The following SLC36A1 variants were observed in gnomAD, a reference collection of about 807,000 sequenced individuals.
SLC36A1 encodes proton-coupled amino acid transporter 1.
Under a neutral mutation model 47.5 loss-of-function variants are expected in SLC36A1, and 30 were observed. The observed-to-expected ratio is 0.63, with a 90% CI of 0.47 to 0.86. The LOEUF (loss-of-function observed/expected upper bound fraction) is 0.86, where lower values mean the gene tolerates loss of function less well. Ranked by LOEUF, SLC36A1 falls within the 40% of genes least tolerant of loss-of-function variation. The pLI is 0.00. For missense variants in SLC36A1, 517 were observed against 606.0 expected (o/e 0.85, Z 1.54); for synonymous variants, 255 against 249.7 (o/e 1.02, Z -0.20).
chr5:151,417,906 AG>A, the SLC36A1 span, among the ~76,000 whole-genome samples: 1 of 152,232 alleles, frequency 6.6e-6, no homozygotes, highest in African/African-American at 2.4e-5. Flanking sequence ...CTGGAGGCCT[AG>A]GAGGGTAAAA....
chr5:151,469,063 A>C lies in SLC36A1; in HGVS notation c.723+1138A>C, dbSNP rs1051357020. Among the ~76,000 whole-genome samples the C allele has an allele frequency of 5.3e-5, 8 of 150,668 alleles. No individual in the cohort carries two copies. In the East Asian group the frequency reaches 1.6e-3, roughly 30 times the overall value. On this transcript the variant is annotated intron_variant, in intron 7 of 10. Coordinates refer to ENST00000243389, the MANE Select transcript of SLC36A1 (RefSeq NM_078483.4). ...TTCTAAGGCTTGAGAAAAGGAAAAA[A>C]GTAAAAGCGGGTAAATAAAAGCATA... is the stretch of plus-strand genomic sequence containing the variant.
the SLC36A1 span, chr5:151,380,531 A>G: frequency 1.9e-6 from 1 of 521,148 alleles, no homozygotes; most frequent in Middle Eastern, 3.8e-4. Flanking sequence ...TTGGAAAGAC[A>G]GTGGGTGATC....
At chr5:151,418,105 A>G in the SLC36A1 span, among the ~76,000 whole-genome samples, 10 of 152,330 alleles carry the variant, frequency 6.6e-5, no homozygotes, top group South Asian at 2.1e-4. Flanking sequence ...TCAAGAACTG[A>G]GGTTTGGGAA....
chr5:151,542,857 T>C, the SLC36A1 span: 2 of 1,614,180 alleles, frequency 1.2e-6, no homozygotes, highest in Non-Finnish European at 1.7e-6. Context: ...GGTGGATTCG[T>C]GGTCCATGGG....
At chr5:151,545,642 C>G in the SLC36A1 span, 1 of 1,614,160 alleles carries the variant, frequency 6.2e-7, no homozygotes, top group Non-Finnish European at 8.5e-7. Context: ...CTCTCATAAT[C>G]CATCTCTGAT....
At chr5:151,511,964 T>G in the SLC36A1 span, 2 of 589,542 alleles carry the variant, frequency 3.4e-6, no homozygotes, top group East Asian at 2.8e-5. Context: ...AGTAGAAAGA[T>G]AGTTTTTGTT....
chr5:151,385,704 TA>T, the SLC36A1 span, among the ~76,000 whole-genome samples: 7 of 150,610 alleles, frequency 4.6e-5, no homozygotes, highest in East Asian at 1.9e-4. Flanking sequence ...AACACCCCAA[TA>T]AAAAAAACAA....
At chr5:151,499,916 C>G in the SLC36A1 span, among the ~76,000 whole-genome samples, 75 of 152,168 alleles carry the variant, frequency 4.9e-4, no homozygotes, top group African/African-American at 1.6e-3. Context: ...CCCACCCTGC[C>G]CCTCCCTTCT....
intron 6 of SLC36A1, 29 bp downstream of exon 6, chr5:151,467,312 A>AG: frequency 7.1e-7 from 1 of 1,407,690 alleles, no homozygotes; most frequent in Non-Finnish European, 9.7e-7. Flanking sequence ...AAGAAAAAAA[A>AG]AAAAAAAACC....
At chr5:151,534,970 A>AAAAT in the SLC36A1 span, among the ~76,000 whole-genome samples, 2 of 106,390 alleles carry the variant, frequency 1.9e-5, no homozygotes, top group African/African-American at 3.0e-5. Context: ...CTTCTAGGAA[A>AAAAT]ATATATATAT....
chr5:151,542,030 A>G, the SLC36A1 span, among the ~76,000 whole-genome samples: 1 of 152,246 alleles, frequency 6.6e-6, no homozygotes, highest in Non-Finnish European at 1.5e-5. Flanking sequence ...AATGAGACAT[A>G]CTTTTTGCAA....
chr5:151,543,551 T>C, the SLC36A1 span: 4 of 1,614,078 alleles, frequency 2.5e-6, no homozygotes, highest in Non-Finnish European at 3.4e-6. Flanking sequence ...AACTTCTCAC[T>C]TGCTAGTTTA....
chr5:151,496,576 GAC>G (rs1253775164), downstream of SLC36A1, among the ~76,000 whole-genome samples: 2 of 152,174 alleles, frequency 1.3e-5, no homozygotes, highest in Middle Eastern at 3.2e-3. Flanking sequence ...TGTTTTTTGA[GAC>G]ACAGTCTCAC....
At chr5:151,516,213 G>A in the SLC36A1 span, among the ~76,000 whole-genome samples, 56 of 152,176 alleles carry the variant, frequency 3.7e-4, no homozygotes, top group South Asian at 0.011. Context: ...ATTTAAAATT[G>A]TAAAATTGTA....
chr5:151,396,391 A>G, the SLC36A1 span, among the ~76,000 whole-genome samples: 11 of 152,238 alleles, frequency 7.2e-5, no homozygotes, highest in Admixed American at 2.0e-4. Flanking sequence ...ATGAGCCACC[A>G]TGCCCGGCCT....
At chr5:151,361,207 G>A in the SLC36A1 span, among the ~76,000 whole-genome samples, 1 of 152,078 alleles carries the variant, frequency 6.6e-6, no homozygotes, top group African/African-American at 2.4e-5. Flanking sequence ...ACTTTCCATA[G>A]AGTACTATGT....
chr5:151,498,282 CAAAGG>C, the SLC36A1 span, among the ~76,000 whole-genome samples: 1 of 152,072 alleles, frequency 6.6e-6, no homozygotes, highest in African/African-American at 2.4e-5. Flanking sequence ...GGCCATGGAA[CAAAGG>C]AAAGTGTGTC....
exon 1 of SLC36A1, chr5:151,437,105 T>C (rs1399292346): frequency 1.3e-5 from 2 of 152,224 alleles, no homozygotes; most frequent in Non-Finnish European, 2.9e-5. Context: ...GTGTCTTTTC[T>C]TGCCTTGTTT....
the SLC36A1 span, among the ~76,000 whole-genome samples, chr5:151,418,906 G>A: frequency 0.17 from 25,506 of 152,056 alleles, 2,376 homozygotes; most frequent in East Asian, 0.38. Flanking sequence ...CATAATCACC[G>A]CATGTCAAGG....
Sources: gnomAD v4.1 joint callset for allele counts (sites outside exome capture counted in the v4.1 genomes callset) on GRCh38, gnomAD v4.1.1 for gene constraint, MANE v1.5 for transcripts, NCBI Gene and HGNC (gene_info 2026-07-23, HGNC 2026-07-21) for gene names.